CDH8: variants seen among roughly 807,000 people sequenced by gnomAD.
The protein encoded by CDH8 is cadherin-8.
CDH8 carries 17 observed loss-of-function variants against 68.1 expected under a neutral mutation model. The ratio of observed to expected loss-of-function variants is 0.25; its 90% CI spans 0.17 to 0.37. CDH8 has a LOEUF of 0.37. Ranked by LOEUF, CDH8 falls within the 10% of genes least tolerant of loss-of-function variation. CDH8 has a pLI of 1.00. For missense variants in CDH8, 763 were observed against 999.3 expected, an observed-to-expected ratio of 0.76 and a Z score of 3.19; for synonymous variants, 372 against 365.1, an observed-to-expected ratio of 1.02 and a Z score of -0.21.
At chr16:61,789,257 A>T (rs1436847682) in intron 8 of CDH8, 89 bp downstream of exon 8, 3 of 1,234,412 alleles carry the variant, frequency 2.4e-6, no homozygotes, top group Non-Finnish European at 3.4e-6. Flanking sequence ...AAGGTACCTA[A>T]CAGAAACAGG....
Position 61,652,285 on chromosome 16 carries a change from G to A in CDH8, c.*1323C>T, listed in dbSNP as rs1014312125. The A allele has an allele frequency of 9.1e-6, 9 of 984,968 alleles. No individual in the cohort carries two copies. Among genetic ancestry groups the A allele is most frequent in the African/African-American group, 1.7e-5 (1 of 57,206 alleles). 61.0% of individuals were successfully genotyped at this position (984,968 alleles called of 1,614,324 possible). A position where few individuals can be genotyped will look rare whatever the true frequency, so the allele number is the denominator to read the frequency against. Reference sequence around the variant, plus strand: ...GATCAGGGATAGGAGTGCTAAAAACGTAAACAGTGAAATTATGTACAAATC... The same window carrying A: ...GATCAGGGATAGGAGTGCTAAAAACATAAACAGTGAAATTATGTACAAATC... On this transcript the variant is annotated 3_prime_UTR_variant, in exon 12 of 12. Transcript: ENST00000577390.
chr16:61,956,545 A>G (rs989092310), intron 2 of CDH8, among the ~76,000 whole-genome samples: 2 of 152,208 alleles, frequency 1.3e-5, no homozygotes. Context: ...TATGAGGGCA[A>G]ATTAAGCCTA....
intron 8 of CDH8, among the ~76,000 whole-genome samples, chr16:61,779,281 T>C (rs1960980915): frequency 6.6e-6 from 1 of 152,092 alleles, no homozygotes; most frequent in Non-Finnish European, 1.5e-5. Flanking sequence ...TCTAAGCAAA[T>C]TGATTCCCAC....
chr16:61,841,582 TA>T (rs1476900515), intron 4 of CDH8, among the ~76,000 whole-genome samples: 1 of 151,990 alleles, frequency 6.6e-6, no homozygotes, highest in Non-Finnish European at 1.5e-5. Context: ...ATTGAAAAAA[TA>T]AGTAAGACCT....
chr16:61,981,761 C>A (rs1386700465), intron 2 of CDH8, among the ~76,000 whole-genome samples: 3 of 152,114 alleles, frequency 2.0e-5, no homozygotes, highest in Non-Finnish European at 4.4e-5. Flanking sequence ...GGAGAATTTT[C>A]TCTGCATCCA....
chr16:61,878,004 T>A (rs1227584673), intron 3 of CDH8, among the ~76,000 whole-genome samples: 4 of 152,158 alleles, frequency 2.6e-5, no homozygotes, highest in Middle Eastern at 3.2e-3. Flanking sequence ...CTCCTGCAAA[T>A]ACCATACCAA....
chr16:61,904,406 T>A (rs927981293), intron 2 of CDH8, among the ~76,000 whole-genome samples: 1 of 152,110 alleles, frequency 6.6e-6, no homozygotes, highest in Non-Finnish European at 1.5e-5. Flanking sequence ...ATATCCCAAA[T>A]GCACTGAATG....
At chr16:61,867,624 T>C (rs1395929188) in intron 3 of CDH8, among the ~76,000 whole-genome samples, 1 of 152,150 alleles carries the variant, frequency 6.6e-6, no homozygotes, top group Non-Finnish European at 1.5e-5. Flanking sequence ...TTTAGGAGAA[T>C]GGAAAGTTAG....
chr16:61,670,227 C>T (rs1963763853), intron 10 of CDH8, among the ~76,000 whole-genome samples: 2 of 152,058 alleles, frequency 1.3e-5, no homozygotes, highest in Admixed American at 1.3e-4. Flanking sequence ...TGAAAATTTA[C>T]TGCTTCCTTT....
At chr16:61,887,229 G>A (rs1963691001) in intron 3 of CDH8, among the ~76,000 whole-genome samples, 1 of 152,140 alleles carries the variant, frequency 6.6e-6, no homozygotes, top group Non-Finnish European at 1.5e-5. Context: ...TGATAATTTA[G>A]TAAACAGATT....
chr16:61,877,716 GA>G (rs1963488780), intron 3 of CDH8, among the ~76,000 whole-genome samples: 2 of 151,986 alleles, frequency 1.3e-5, no homozygotes, highest in Admixed American at 6.6e-5. Flanking sequence ...GCAACATATA[GA>G]AATAAGAGAG....
intron 2 of CDH8, among the ~76,000 whole-genome samples, chr16:61,975,087 G>A (rs1232458350): frequency 6.6e-6 from 1 of 152,134 alleles, no homozygotes; most frequent in African/African-American, 2.4e-5. Context: ...GTGTATTGAA[G>A]TGTGGTACAA....
At chr16:61,775,763 A>G (rs971302926) in intron 8 of CDH8, among the ~76,000 whole-genome samples, 1 of 152,072 alleles carries the variant, frequency 6.6e-6, no homozygotes, top group Non-Finnish European at 1.5e-5. Context: ...GACTTGGCCC[A>G]TATAAGCCAT....
At chr16:61,726,421 T>TTTTC (rs1959368084) in intron 9 of CDH8, 1 of 150,354 alleles carries the variant, frequency 6.7e-6, no homozygotes, top group African/African-American at 2.4e-5. Flanking sequence ...TCCTCCCTCT[T>TTTTC]TTTCTCTCTC....
intron 2 of CDH8, among the ~76,000 whole-genome samples, chr16:61,984,469 T>TA (rs1485467091): frequency 1.3e-5 from 2 of 151,662 alleles, no homozygotes; most frequent in East Asian, 1.9e-4. Context: ...TTTTTTTTTT[T>TA]AATAGAGACA....
chr16:61,843,959 T>C (rs537188850), intron 4 of CDH8, among the ~76,000 whole-genome samples: 53 of 152,236 alleles, frequency 3.5e-4, no homozygotes, highest in African/African-American at 1.3e-3. Context: ...ATTGTGGTTT[T>C]GATTTGCATT....
At chr16:62,030,612 G>C (rs1243227889) in intron 1 of CDH8, among the ~76,000 whole-genome samples, 1 of 151,874 alleles carries the variant, frequency 6.6e-6, no homozygotes, top group Non-Finnish European at 1.5e-5. Flanking sequence ...GTCACATCTA[G>C]AATCAAATAA....
At chr16:61,933,738 A>G (rs998374547) in intron 2 of CDH8, among the ~76,000 whole-genome samples, 2 of 151,984 alleles carry the variant, frequency 1.3e-5, no homozygotes, top group Admixed American at 1.3e-4. Flanking sequence ...TGTTTTTTGC[A>G]ACCTTCACAT....
At chr16:61,822,205 CTTTTTTTTTTTTTTTTTTTTTTTTTTTTT>C (rs71707137) in intron 5 of CDH8, among the ~76,000 whole-genome samples, 1 of 45,630 alleles carries the variant, frequency 2.2e-5, no homozygotes, top group African/African-American at 1.1e-4. Flanking sequence ...AAAAACGCAC[CTTTTTTTTTTTTTTTTTTTTTTTTTTTTT>C]TTTTTTTTTT....
Sources: gnomAD v4.1 joint callset for allele counts (sites outside exome capture counted in the v4.1 genomes callset) on GRCh38, gnomAD v4.1.1 for gene constraint, MANE v1.5 for transcripts, NCBI Gene and HGNC (gene_info 2026-07-23, HGNC 2026-07-21) for gene names.